SCLT1: variants seen among roughly 807,000 people sequenced by gnomAD.
The protein encoded by SCLT1 is sodium channel and clathrin linker 1, also known as sodium channel-associated protein 1.
A neutral mutation model predicts 112.8 loss-of-function variants in SCLT1; 78 were observed. The ratio of observed to expected loss-of-function variants is 0.69; its 90% confidence interval spans 0.58 to 0.83. The LOEUF (loss-of-function observed/expected upper bound fraction) is 0.83, where lower values mean the gene tolerates loss of function less well. SCLT1 is among the 40% of genes least tolerant of loss of function. The pLI, the probability that SCLT1 is intolerant of heterozygous loss-of-function variation, is 0.00. For synonymous variants in SCLT1, 257 were observed against 254.7 expected (o/e 1.01, Z -0.09); for missense variants, 747 against 770.4 (o/e 0.97, Z 0.36).
At chr4:129,005,139 CTG>C (rs1036325480) in intron 5 of SCLT1, among the ~76,000 whole-genome samples, 1 of 152,088 alleles carries the variant, frequency 6.6e-6, no homozygotes, top group African/African-American at 2.4e-5. Context: ...ATACTATAAT[CTG>C]TCTTTTTAAC....
rs10522940 is a variant in SCLT1, at chr4:128,894,363, AACACACACACACACACACACACAC to A, written c.1830-3250_1830-3227del. 2.8e-3 allele frequency among the ~76,000 whole-genome samples: 396 copies of A among 143,032 alleles called. 5 individuals are homozygous for A. Among genetic ancestry groups the A allele is most frequent in the African/African-American group, 8.3e-3 (324 of 38,996 alleles). 93.8% of individuals were successfully genotyped at this position (143,032 alleles called of 152,430 possible). ...AATAATGAAAGTTCATTGAGTAAGT[AACACACACACACACACACACACAC>A]ACACACACACACACACACACACACA... On this transcript the variant is annotated intron_variant, in intron 18 of 20. Coordinates refer to ENST00000281142, the MANE Select transcript of SCLT1 (RefSeq NM_144643.4).
rs759742569 is a variant in SCLT1, at chr4:129,055,576, G to A, written c.103-11525C>T. Among the ~76,000 whole-genome samples the A allele has an allele frequency of 7.2e-5, 11 of 152,208 alleles. No individual in the cohort carries two copies. The East Asian group carries it at 1.2e-3, about 16-fold the overall frequency. On this transcript the variant is annotated intron_variant, in intron 2 of 20. Coordinates refer to ENST00000281142, the MANE Select transcript of SCLT1 (RefSeq NM_144643.4). ...CCTTCCCAGCCTCCTTAGCAGTGAC[G>A]GGAAAACTGCCTACTCAAGTCTCAG...
intron 3 of SCLT1, 124 bp from the exon 4 acceptor site, chr4:129,043,591 C>T (rs1747905980): frequency 3.5e-6 from 2 of 568,890 alleles, no homozygotes; most frequent in Non-Finnish European, 6.2e-6. Context: ...AAAACTTTTC[C>T]CTTTTTTCCA....
chr4:128,994,513 C>T (rs1022463120), intron 8 of SCLT1, among the ~76,000 whole-genome samples: 2 of 152,018 alleles, frequency 1.3e-5, no homozygotes, highest in Admixed American at 6.6e-5. Context: ...AATTTCAATA[C>T]GTTGGGATAA....
At chr4:128,889,636 C>A (rs952715210) in intron 19 of SCLT1, among the ~76,000 whole-genome samples, 1 of 152,150 alleles carries the variant, frequency 6.6e-6, no homozygotes, top group African/African-American at 2.4e-5. Flanking sequence ...ACAAAGCTGT[C>A]ACAACATACT....
At chr4:129,018,119 ATAC>A (rs1409230562) in intron 5 of SCLT1, among the ~76,000 whole-genome samples, 2 of 152,272 alleles carry the variant, frequency 1.3e-5, no homozygotes, top group Non-Finnish European at 2.9e-5. Flanking sequence ...CTCTACAGCC[ATAC>A]TACGCTTCTT....
intron 2 of SCLT1, among the ~76,000 whole-genome samples, chr4:129,068,279 TC>T (rs1750672233): frequency 6.6e-6 from 1 of 152,194 alleles, no homozygotes; most frequent in Non-Finnish European, 1.5e-5. Flanking sequence ...TACTTTTAGT[TC>T]TTTAAGGAAT....
intron 8 of SCLT1, among the ~76,000 whole-genome samples, chr4:128,992,953 T>C (rs1742703017): frequency 1.3e-5 from 2 of 152,064 alleles, no homozygotes; most frequent in Admixed American, 1.3e-4. Flanking sequence ...ATCCCTTTTC[T>C]TTATATATTA....
chr4:128,904,462 TTAAA>T (rs1322991650), intron 18 of SCLT1, among the ~76,000 whole-genome samples: 1 of 152,156 alleles, frequency 6.6e-6, no homozygotes, highest in African/African-American at 2.4e-5. Context: ...AATTAAATGC[TTAAA>T]TAAACAAAAT....
At chr4:129,035,353 C>G (rs138595868) in intron 5 of SCLT1, among the ~76,000 whole-genome samples, 1 of 152,140 alleles carries the variant, frequency 6.6e-6, no homozygotes, top group Non-Finnish European at 1.5e-5. Flanking sequence ...TTTTCAGAAG[C>G]TCCACAAGGG....
intron 18 of SCLT1, among the ~76,000 whole-genome samples, chr4:128,893,383 C>T (rs189852760): frequency 3.3e-5 from 5 of 152,256 alleles, no homozygotes; most frequent in African/African-American, 1.2e-4. Context: ...CTTCATTATT[C>T]ATCTTTGTAC....
chr4:128,959,619 G>T lies in SCLT1; in HGVS notation c.1028C>A (p.Ala343Asp). ...TCTTACCTGACTTTTTTGAAGGTTA[G>T]CTTCTTCTAAGAGTTGCATGCTATT... is the stretch of plus-strand genomic sequence containing the variant. ...ARNSMQLLEE[A>D]NLQKSQALLE... The change falls in exon 12 of 21, where the codon GCT (alanine) becomes GAT (aspartate). Residue 343 changes from alanine to aspartate, a missense_variant. By Grantham distance (126) the Ala-to-Asp change is moderately radical. This residue lies in a region of SCLT1 where 723 missense variants were observed against 721.3 expected (regional missense o/e 1.00). Coordinates refer to ENST00000281142, the MANE Select transcript of SCLT1 (RefSeq NM_144643.4). The T allele has an allele frequency of 6.2e-7, 1 of 1,612,844 alleles. No individual in the cohort carries two copies. The highest frequency in any genetic ancestry group is 8.5e-7 in the Non-Finnish European group (1 of 1,179,440).
intron 5 of SCLT1, among the ~76,000 whole-genome samples, chr4:129,006,537 CAAAA>C (rs57162820): frequency 3.7e-5 from 5 of 133,452 alleles, no homozygotes; most frequent in Admixed American, 7.5e-5. Context: ...GACTCTGTCT[CAAAA>C]AAAAAAAAAA....
chr4:128,952,918 T>A (rs1364118562), intron 13 of SCLT1, 78 bp from the exon 14 acceptor site: 1 of 761,048 alleles, frequency 1.3e-6, no homozygotes, highest in African/African-American at 1.8e-5. Flanking sequence ...CTCAGGATAA[T>A]AATTTTGATA....
chr4:129,017,246 T>C (rs1056077110), intron 5 of SCLT1, among the ~76,000 whole-genome samples: 1 of 152,134 alleles, frequency 6.6e-6, no homozygotes, highest in African/African-American at 2.4e-5. Context: ...TCAGTGCATA[T>C]CTATGTTTGT....
chr4:129,051,125 TA>T (rs773124386), intron 2 of SCLT1, among the ~76,000 whole-genome samples: 1 of 152,164 alleles, frequency 6.6e-6, no homozygotes, highest in Non-Finnish European at 1.5e-5. Flanking sequence ...TTGGTTAGTG[TA>T]GCAATGTAGT....
At chr4:128,959,565 T>TTATTATATC in intron 12 of SCLT1, 35 bp downstream of exon 12, 1 of 1,527,522 alleles carries the variant, frequency 6.5e-7, no homozygotes, top group Non-Finnish European at 9.0e-7. Context: ...AGTCAACATT[T>TTATTATATC]TATTATATCT....
intron 18 of SCLT1, among the ~76,000 whole-genome samples, chr4:128,930,741 A>G (rs993550234): frequency 6.6e-6 from 1 of 152,214 alleles, no homozygotes; most frequent in Non-Finnish European, 1.5e-5. Flanking sequence ...AATGTAATAT[A>G]AATTGAGTTT....
intron 8 of SCLT1, 73 bp downstream of exon 8, chr4:128,997,801 G>T: frequency 1.4e-6 from 1 of 717,802 alleles, no homozygotes; most frequent in Non-Finnish European, 2.2e-6. Flanking sequence ...GCTTATTGTT[G>T]ATTTATATTA....
Sources: allele counts gnomAD v4.1 joint callset (sites outside exome capture counted in the v4.1 genomes callset), GRCh38; gene constraint gnomAD v4.1.1; regional missense constraint gnomAD v4.1.1; transcripts MANE v1.5; gene names NCBI Gene and HGNC (gene_info 2026-07-23, HGNC 2026-07-21).